Variants in ASXL3 observed in about 807,000 individuals in gnomAD.
The protein encoded by ASXL3 is ASXL transcriptional regulator 3.
In ASXL3, 34 loss-of-function variants were observed where a neutral mutation model predicts 170.6. That is an observed-to-expected ratio of 0.20 (90% CI 0.15 to 0.27). The LOEUF is 0.27. Among genes scored for constraint, ASXL3 ranks in the 10% least tolerant of loss-of-function variants. The probability of loss-of-function intolerance (pLI) is 1.00; values close to 1 mark genes in which losing one functional copy is unlikely to be tolerated. For missense variants in ASXL3, 2,592 were observed against 2,695.3 expected, an observed-to-expected ratio of 0.96 and a Z score of 0.85; for synonymous variants, 1,002 against 989.1, an observed-to-expected ratio of 1.01 and a Z score of -0.24.
At chr18:33,644,401 T>G (rs930576406) in intron 2 of ASXL3, among the ~76,000 whole-genome samples, 5 of 151,878 alleles carry the variant, frequency 3.3e-5, no homozygotes, top group Non-Finnish European at 7.4e-5. Context: ...TCAAATCAGT[T>G]CTTCCCTGGT....
intron 5 of ASXL3, among the ~76,000 whole-genome samples, chr18:33,662,260 C>T (rs564050690): frequency 1.1e-4 from 17 of 152,258 alleles, no homozygotes; most frequent in Admixed American, 4.6e-4. Flanking sequence ...AGAGGCAGTA[C>T]GGGCCTTTGT....
chr18:33,704,576 A>G (rs887068208), intron 8 of ASXL3, among the ~76,000 whole-genome samples: 1 of 152,064 alleles, frequency 6.6e-6, no homozygotes, highest in East Asian at 1.9e-4. Flanking sequence ...CCTGTGCTCA[A>G]CATTTTATAA....
In ASXL3 at chr18:33,739,983, T is replaced by G. The variant is rs61734121; in HGVS notation, c.2579T>G (p.Met860Arg). The change falls in exon 11 of 12, where the codon ATG (methionine) becomes AGG (arginine). Residue 860 changes from methionine (M) to arginine (R), a missense_variant. Coordinates refer to ENST00000269197, the MANE Select transcript of ASXL3 (RefSeq NM_030632.3). ...ASIPELASTE[M>R]IKVKNHSVLQ... The stretch of plus-strand genomic sequence containing the variant: ...ATTCCAGAACTTGCTTCTACTGAAA[T>G]GATAAAAGTTAAAAATCATAGCGTC... The G allele has an allele frequency of 8.7e-6, 14 of 1,613,832 alleles. No individual in the cohort carries two copies. Among genetic ancestry groups the G allele is most frequent in the Non-Finnish European group, 1.2e-5 (14 of 1,179,846 alleles).
chr18:33,670,932 C>A, intron 6 of ASXL3, 142 bp downstream of exon 6: 1 of 502,220 alleles, frequency 2.0e-6, no homozygotes, highest in Non-Finnish European at 3.4e-6. Flanking sequence ...ACCTTTGACT[C>A]AGTGATTCAA....
At chr18:33,665,916 G>C (rs2066248575) in intron 5 of ASXL3, among the ~76,000 whole-genome samples, 1 of 152,118 alleles carries the variant, frequency 6.6e-6, no homozygotes, top group Non-Finnish European at 1.5e-5. Context: ...CATTAGCTAT[G>C]TTGTGTGTGT....
intron 8 of ASXL3, among the ~76,000 whole-genome samples, chr18:33,714,566 A>G (rs2067132742): frequency 6.6e-6 from 1 of 152,140 alleles, no homozygotes; most frequent in Non-Finnish European, 1.5e-5. Context: ...CTAACTCTAA[A>G]ACAGGCCACG....
Position 33,655,928 on chromosome 18 carries a change from A to G in ASXL3, c.356-5688A>G, listed in dbSNP as rs1042414753. Among the ~76,000 whole-genome samples, 3 of 152,170 alleles carry G rather than the reference A, an allele frequency of 2.0e-5. No homozygotes were observed. The South Asian group carries it at 6.2e-4, about 32-fold the overall frequency. ...TCTCCTCAGGTAGAATTAATGGTCT[A>G]TATCTAGACCATTGTTCTTTGAAAA... On this transcript the variant is annotated intron_variant, in intron 4 of 11. Transcript: ENST00000269197.
chr18:33,683,809 C>T (rs1052820136), intron 8 of ASXL3, among the ~76,000 whole-genome samples: 1 of 152,088 alleles, frequency 6.6e-6, no homozygotes, highest in Non-Finnish European at 1.5e-5. Flanking sequence ...TATAAACTTA[C>T]ATTGGAAAGG....
Position 33,748,863 on chromosome 18 carries a change from A to C in ASXL3, c.*2268A>C, listed in dbSNP as rs528418985. The C allele has an allele frequency of 8.5e-5, 13 of 152,312 alleles. No homozygotes were observed. The highest frequency in any genetic ancestry group is 2.6e-4 in the African/African-American group (11 of 41,556). 9.4% of individuals were successfully genotyped at this position (152,312 alleles called of 1,614,324 possible). ...AAACTCCAGTCTACAGAACCTTTGC[A>C]CTCAGTATGTGAGGTACAATTGAGG... On this transcript the variant is annotated 3_prime_UTR_variant, in exon 12 of 12. Coordinates refer to ENST00000269197, the MANE Select transcript of ASXL3 (RefSeq NM_030632.3).
In ASXL3 at chr18:33,747,855, T is replaced by A. The variant is rs779103389; in HGVS notation, c.*1260T>A. The A allele has an allele frequency of 1.2e-4, 19 of 152,224 alleles. No individual in the cohort carries two copies. The highest frequency in any genetic ancestry group is 2.5e-4 in the Non-Finnish European group (17 of 68,042). The allele number at this position is 152,224 out of a possible 1,614,324, so 9.4% of individuals were successfully genotyped here. ...AAAAGGGATACTGCATCTTAACAGT[T>A]ATCTTCAGTGTGCATCCAGTAAAGT... On this transcript the variant is annotated 3_prime_UTR_variant, in exon 12 of 12. Transcript: ENST00000269197.
At chr18:33,649,559 T>A (rs2065965574) in intron 4 of ASXL3, 1 of 152,136 alleles carries the variant, frequency 6.6e-6, no homozygotes, top group South Asian at 2.1e-4. Flanking sequence ...ACCTACATGG[T>A]TGTCCATTTT....
chr18:33,704,023 G>T (rs1034273842), intron 8 of ASXL3, among the ~76,000 whole-genome samples: 3 of 151,940 alleles, frequency 2.0e-5, no homozygotes, highest in Admixed American at 2.0e-4. Context: ...GTTTCAATTT[G>T]TTTTCCTGTG....
chr18:33,598,726 A>G (rs952037693), intron 1 of ASXL3, among the ~76,000 whole-genome samples: 2 of 152,204 alleles, frequency 1.3e-5, no homozygotes, highest in African/African-American at 4.8e-5. Flanking sequence ...GGGATAAGAA[A>G]TGATGACATA....
At chr18:33,706,774 G>A (rs1191999693) in intron 8 of ASXL3, among the ~76,000 whole-genome samples, 1 of 151,642 alleles carries the variant, frequency 6.6e-6, no homozygotes, top group East Asian at 1.9e-4. Context: ...GTTGTGGTTT[G>A]TCTTTTGATT....
rs1252786403 is a variant in ASXL3 at position 33,740,570 on chromosome 18, C to T, written c.3039+127C>T. ...ATGCAGCAGTTTATAATCTAATCCT[C>T]TAATAGTAAATGATCCTCTTTATGA... is the stretch of plus-strand genomic sequence containing the variant. On this transcript the variant is annotated intron_variant, in intron 11 of 11. Coordinates refer to ENST00000269197, the MANE Select transcript of ASXL3 (RefSeq NM_030632.3). The T allele has an allele frequency of 9.6e-6, 9 of 934,362 alleles. No individual in the cohort carries two copies. In the East Asian group the frequency reaches 2.4e-4, roughly 25 times the overall value. 57.9% of individuals were successfully genotyped at this position (934,362 alleles called of 1,614,324 possible). A position where few individuals can be genotyped will look rare whatever the true frequency, so the allele number is the denominator to read the frequency against.
At chr18:33,629,255 A>G (rs981541254) in intron 2 of ASXL3, among the ~76,000 whole-genome samples, 1 of 152,122 alleles carries the variant, frequency 6.6e-6, no homozygotes. Context: ...GATTTCATGA[A>G]ATTAGGTGGC....
chr18:33,624,668 G>A (rs767431916), intron 2 of ASXL3, among the ~76,000 whole-genome samples: 13 of 152,018 alleles, frequency 8.6e-5, no homozygotes, highest in South Asian at 2.1e-4. Context: ...TGTCTGCACC[G>A]TCATCCAAAT....
At chr18:33,697,567 G>C (rs3859352) in intron 8 of ASXL3, among the ~76,000 whole-genome samples, 152,211 of 152,216 alleles carry the variant, frequency 1, 76,103 homozygotes, top group Middle Eastern at 1. Flanking sequence ...TCTTCCCCAC[G>C]ACTAAGGCGT....
At chr18:33,718,808 C>T (rs569806767) in intron 8 of ASXL3, among the ~76,000 whole-genome samples, 1 of 151,808 alleles carries the variant, frequency 6.6e-6, no homozygotes, top group South Asian at 2.1e-4. Flanking sequence ...AGCCCATTAC[C>T]TCCTCCATTT....
Sources: allele counts gnomAD v4.1 joint callset (sites outside exome capture counted in the v4.1 genomes callset), GRCh38; gene constraint gnomAD v4.1.1; transcripts MANE v1.5; gene names NCBI Gene and HGNC (gene_info 2026-07-23, HGNC 2026-07-21).